The following FSTL4 variants were observed in gnomAD, a reference collection of about 807,000 sequenced individuals.
FSTL4 encodes follistatin like 4.
FSTL4 carries 28 observed loss-of-function variants against 78.2 expected under a neutral mutation model. The observed-to-expected ratio is 0.36, with a 90% CI of 0.27 to 0.49. FSTL4 has a LOEUF of 0.49. FSTL4 is among the 20% of genes least tolerant of loss of function. FSTL4 has a pLI of 0.98. For missense variants in FSTL4, 922 were observed against 1,084.9 expected (o/e 0.85, Z 2.11); for synonymous variants, 422 against 440.5 (o/e 0.96, Z 0.53).
intron 3 of FSTL4, among the ~76,000 whole-genome samples, chr5:133,494,602 G>A (rs13161129): frequency 0.1 from 15,374 of 152,252 alleles, 1,002 homozygotes; most frequent in South Asian, 0.22. Context: ...CAACAACTGC[G>A]TCTTTTGACC....
At chr5:133,700,668 G>A in the FSTL4 span, among the ~76,000 whole-genome samples, 1 of 152,230 alleles carries the variant, frequency 6.6e-6, no homozygotes, top group Non-Finnish European at 1.5e-5. Flanking sequence ...AGCCAAAAGA[G>A]GTGAACCCAG....
the FSTL4 span, among the ~76,000 whole-genome samples, chr5:133,836,198 T>C: frequency 1.3e-5 from 2 of 152,230 alleles, no homozygotes; most frequent in East Asian, 1.9e-4. Context: ...TTTGAGTTTA[T>C]AATCTTACTG....
At chr5:133,560,242 T>C (rs1759883783) in intron 3 of FSTL4, among the ~76,000 whole-genome samples, 1 of 152,204 alleles carries the variant, frequency 6.6e-6, no homozygotes, top group Admixed American at 6.5e-5. Context: ...CCCTGAGCTA[T>C]CCACCACAAG....
the FSTL4 span, among the ~76,000 whole-genome samples, chr5:133,803,779 G>A: frequency 7.2e-5 from 11 of 152,310 alleles, no homozygotes; most frequent in Admixed American, 2.0e-4. Context: ...ACTGTCTGTT[G>A]TCTACCTGGT....
chr5:133,465,016 G>A (rs1169405444), intron 3 of FSTL4, among the ~76,000 whole-genome samples: 8 of 152,058 alleles, frequency 5.3e-5, no homozygotes, highest in Non-Finnish European at 1.2e-4. Flanking sequence ...CGACACCTTC[G>A]TTTATTAATT....
Position 133,433,411 on chromosome 5 carries a change from G to A in FSTL4, c.161-32425C>T, listed in dbSNP as rs115320170. 4.9e-3 allele frequency among the ~76,000 whole-genome samples: 745 copies of A among 152,316 alleles called. 3 individuals are homozygous for A. Among genetic ancestry groups the A allele is most frequent in the Non-Finnish European group, 7.4e-3 (501 of 68,028 alleles). On this transcript the variant is annotated intron_variant, in intron 3 of 15. Coordinates refer to ENST00000265342, the MANE Select transcript of FSTL4 (RefSeq NM_015082.2). ...CCTTCAAGCCTGGAGATTTTCCAAA[G>A]TATTTGATTTTTTTGAGCACTGTTA...
At chr5:133,739,442 A>G in the FSTL4 span, among the ~76,000 whole-genome samples, 1 of 152,138 alleles carries the variant, frequency 6.6e-6, no homozygotes, top group Non-Finnish European at 1.5e-5. Flanking sequence ...GCTCTGCCCA[A>G]CTGGGTCTTT....
chr5:133,678,562 C>CGTGTGT, the FSTL4 span, among the ~76,000 whole-genome samples: 8 of 149,932 alleles, frequency 5.3e-5, no homozygotes, highest in South Asian at 8.5e-4. Flanking sequence ...TGTGTTTGAG[C>CGTGTGT]GTGTGTGTGT....
At chr5:133,259,520 T>C (rs1161557846) in intron 6 of FSTL4, among the ~76,000 whole-genome samples, 40 of 17,224 alleles carry the variant, frequency 2.3e-3, no homozygotes, top group African/African-American at 0.014. Context: ...TTTTTTTTCT[T>C]TTTTTTTTTT....
At chr5:133,209,811 T>C (rs776410804) in intron 14 of FSTL4, 12 of 193,178 alleles carry the variant, frequency 6.2e-5, no homozygotes, top group Non-Finnish European at 9.7e-5. Flanking sequence ...TGCTGCTGCT[T>C]CTCCTTCTTC....
At chr5:133,461,370 C>T (rs547274697) in intron 3 of FSTL4, among the ~76,000 whole-genome samples, 1 of 152,318 alleles carries the variant, frequency 6.6e-6, no homozygotes, top group South Asian at 2.1e-4. Context: ...ATTTTGGCCT[C>T]TTGCAAGGGA....
chr5:133,603,807 A>T (rs376737304), intron 2 of FSTL4, 51 bp downstream of exon 2: 1 of 1,586,016 alleles, frequency 6.3e-7, no homozygotes, highest in Non-Finnish European at 8.7e-7. Flanking sequence ...ATACTGTAAC[A>T]TCGGAAAGCA....
chr5:133,386,772 G>A (rs534983592), intron 4 of FSTL4, among the ~76,000 whole-genome samples: 1 of 152,130 alleles, frequency 6.6e-6, no homozygotes, highest in Non-Finnish European at 1.5e-5. Flanking sequence ...AAATATGGAC[G>A]TTTTTCTTCC....
chr5:133,240,295 G>A (rs1469889804), intron 7 of FSTL4, among the ~76,000 whole-genome samples: 4 of 152,316 alleles, frequency 2.6e-5, no homozygotes, highest in African/African-American at 9.6e-5. Context: ...ACCAATTCCG[G>A]ACATAATAGA....
chr5:133,655,708 GA>G, the FSTL4 span, among the ~76,000 whole-genome samples: 43 of 151,622 alleles, frequency 2.8e-4, no homozygotes, highest in Middle Eastern at 3.2e-3. Context: ...TTTTCAGTGG[GA>G]AAAAAAAGAC....
chr5:133,603,792 A>C, intron 2 of FSTL4, 66 bp downstream of exon 2: 2 of 1,529,646 alleles, frequency 1.3e-6, no homozygotes, highest in Non-Finnish European at 1.8e-6. Context: ...TGGAGGGGAA[A>C]TCAGATACTG....
At position 133,580,640 on chromosome 5, in the gene FSTL4, T is replaced by C. The variant is rs1029790326; in HGVS notation, c.127-13421A>G. Among the ~76,000 whole-genome samples, 15 of 152,360 alleles carry C rather than the reference T, an allele frequency of 9.8e-5. 1 individual carries two copies. The highest frequency in any genetic ancestry group is 9.1e-4 in the Admixed American group (14 of 15,312). On this transcript the variant is annotated intron_variant, in intron 2 of 15. Coordinates refer to ENST00000265342, the MANE Select transcript of FSTL4 (RefSeq NM_015082.2). ...TCAGGCGGTCAGGCCGTGCCCCTCC[T>C]GGGGGCTGGCACTGGAGTAGGTCTC... is the stretch of plus-strand genomic sequence containing the variant.
chr5:133,467,414 AG>A (rs1757740102), intron 3 of FSTL4, among the ~76,000 whole-genome samples: 1 of 152,046 alleles, frequency 6.6e-6, no homozygotes. Context: ...CCTGATGCCA[AG>A]GGTTGTCTGA....
At chr5:133,577,937 C>T (rs1472219259) in intron 2 of FSTL4, among the ~76,000 whole-genome samples, 3 of 152,284 alleles carry the variant, frequency 2.0e-5, no homozygotes, top group Non-Finnish European at 4.4e-5. Context: ...TGCAAGTCTC[C>T]AGCACTTTGG....
Sources: allele counts gnomAD v4.1 joint callset (sites outside exome capture counted in the v4.1 genomes callset), GRCh38; gene constraint gnomAD v4.1.1; transcripts MANE v1.5; gene names NCBI Gene and HGNC (gene_info 2026-07-23, HGNC 2026-07-21).